Variants in CELF2 observed in about 807,000 individuals in gnomAD.
The protein encoded by CELF2 is CUG triplet repeat RNA-binding protein 2.
Under a neutral mutation model 62.6 loss-of-function variants are expected in CELF2, and 8 were observed. That is an observed-to-expected ratio of 0.13 (90% CI 0.07 to 0.23). The LOEUF (loss-of-function observed/expected upper bound fraction) is 0.23, where lower values mean the gene tolerates loss of function less well. CELF2 is among the 10% of genes least tolerant of loss of function. CELF2 has a pLI of 1.00. For missense variants in CELF2, 333 were observed against 671.0 expected (o/e 0.50, Z 5.56); for synonymous variants, 258 against 250.0 (o/e 1.03, Z -0.30).
chr10:11,316,865 C>T lies in CELF2; in HGVS notation c.1096+2607C>T, dbSNP rs1189875509. Reference sequence around the variant, plus strand: ...TTGATATCCTTTTTATTCCCTGATACATTAATGAGTCAAAGGGCTAAAAAA... The same window carrying T: ...TTGATATCCTTTTTATTCCCTGATATATTAATGAGTCAAAGGGCTAAAAAA... On this transcript the variant is annotated intron_variant, in intron 10 of 12. Transcript: ENST00000633077. This position sits in a 1 kb window ranked among gnomAD's most constrained non-coding sequence, Gnocchi z 4.4. 7 of 152,168 alleles carry T rather than the reference C, an allele frequency of 4.6e-5. No individual in the cohort carries two copies. Among genetic ancestry groups the T allele is most frequent in the African/African-American group, 1.7e-4 (7 of 41,432 alleles). The allele number at this position is 152,168 out of a possible 1,614,324, so 9.4% of individuals were successfully genotyped here.
At chr10:10,835,896 A>G (rs1429547738) in intron 1 of CELF2, among the ~76,000 whole-genome samples, 1 of 152,184 alleles carries the variant, frequency 6.6e-6, no homozygotes, top group Non-Finnish European at 1.5e-5. Context: ...GGCAGAATCG[A>G]GGCTGACTTT....
At chr10:10,866,099 CCT>C in intron 1 of CELF2, among the ~76,000 whole-genome samples, 1 of 152,240 alleles carries the variant, frequency 6.6e-6, no homozygotes, top group Middle Eastern at 3.4e-3. Flanking sequence ...GTCTTCCATT[CCT>C]CTTTCCCACA....
chr10:11,209,898 T>C (rs984152495), intron 2 of CELF2, among the ~76,000 whole-genome samples: 2 of 152,214 alleles, frequency 1.3e-5, no homozygotes, highest in African/African-American at 2.4e-5. Flanking sequence ...TAAACTGGCT[T>C]GCATGCTACT....
At chr10:11,276,650 A>T (rs1565709803) in intron 8 of CELF2, among the ~76,000 whole-genome samples, 1 of 152,212 alleles carries the variant, frequency 6.6e-6, no homozygotes, top group Non-Finnish European at 1.5e-5. Context: ...ACTCACCAGG[A>T]TCTGAAATTA....
chr10:10,609,649 C>A, the CELF2 span, among the ~76,000 whole-genome samples: 9 of 152,192 alleles, frequency 5.9e-5, no homozygotes, highest in Non-Finnish European at 1.0e-4. Flanking sequence ...TCAATAGATT[C>A]TTCTTACAGA....
chr10:10,821,656 T>A (rs751146512), intron 1 of CELF2, among the ~76,000 whole-genome samples: 19 of 152,200 alleles, frequency 1.2e-4, no homozygotes, highest in Middle Eastern at 3.4e-3. Flanking sequence ...TGGTTTTTTG[T>A]TTTTTTAAGG....
chr10:10,844,041 C>T (rs914693932), intron 1 of CELF2, among the ~76,000 whole-genome samples: 4 of 151,898 alleles, frequency 2.6e-5, no homozygotes, highest in South Asian at 2.1e-4. Context: ...TGTCCTACCT[C>T]GGGTGCTTCT....
intron 1 of CELF2, among the ~76,000 whole-genome samples, chr10:11,121,694 T>C (rs2057774071): frequency 6.6e-6 from 1 of 150,886 alleles, no homozygotes; most frequent in African/African-American, 2.5e-5. Flanking sequence ...AAGAGGCTAG[T>C]ATTTTTTTTG....
At chr10:11,228,717 G>A (rs1223533954) in intron 3 of CELF2, among the ~76,000 whole-genome samples, 13 of 49,708 alleles carry the variant, frequency 2.6e-4, no homozygotes, top group Non-Finnish European at 2.3e-4. Flanking sequence ...CGCGCCCCTC[G>A]CAAAAAAAAA....
chr10:11,169,384 A>AG (rs1295584902), intron 2 of CELF2: 1 of 152,242 alleles, frequency 6.6e-6, no homozygotes, highest in African/African-American at 2.4e-5. Context: ...GGAGATGAAA[A>AG]AGATGGCATC....
intron 2 of CELF2, among the ~76,000 whole-genome samples, chr10:10,984,174 T>A (rs2052467096): frequency 6.6e-6 from 1 of 152,242 alleles, no homozygotes; most frequent in East Asian, 1.9e-4. Context: ...GGAAATAGGT[T>A]CCGAAAAGAA....
At chr10:11,230,630 C>T (rs1242459924) in intron 3 of CELF2, among the ~76,000 whole-genome samples, 4 of 152,234 alleles carry the variant, frequency 2.6e-5, no homozygotes, top group Non-Finnish European at 4.4e-5. Flanking sequence ...GATGTGAGGA[C>T]ATGCTGGTTT....
intron 1 of CELF2, among the ~76,000 whole-genome samples, chr10:11,082,105 G>A (rs997171195): frequency 3.3e-5 from 5 of 152,110 alleles, no homozygotes; most frequent in African/African-American, 7.2e-5. Context: ...CCAGAGTCCT[G>A]TGGAGGGCAG....
the CELF2 span, among the ~76,000 whole-genome samples, chr10:10,705,705 A>G: frequency 1.2e-3 from 183 of 152,334 alleles, 1 homozygote; most frequent in African/African-American, 4.3e-3. Flanking sequence ...AATGGAGTCC[A>G]GATTCTTTAT....
At chr10:10,643,163 G>A in the CELF2 span, among the ~76,000 whole-genome samples, 1 of 152,206 alleles carries the variant, frequency 6.6e-6, no homozygotes, top group South Asian at 2.1e-4. Flanking sequence ...GTGAACCCTT[G>A]GCAGGGTCAG....
At chr10:10,765,610 A>G in the CELF2 span, among the ~76,000 whole-genome samples, 1 of 152,184 alleles carries the variant, frequency 6.6e-6, no homozygotes, top group Admixed American at 6.6e-5. Context: ...AGTGGTGGCC[A>G]GCCTTAGTCT....
the CELF2 span, among the ~76,000 whole-genome samples, chr10:10,604,338 G>T: frequency 6.6e-6 from 1 of 152,202 alleles, no homozygotes; most frequent in Non-Finnish European, 1.5e-5. Context: ...TAGTCAAAAA[G>T]AAGTTTGATA....
chr10:11,204,139 G>A (rs1305680928), intron 2 of CELF2, among the ~76,000 whole-genome samples: 1 of 152,160 alleles, frequency 6.6e-6, no homozygotes, highest in African/African-American at 2.4e-5. Context: ...GATCACCCTG[G>A]ATATCAAGAA....
chr10:11,123,963 A>C (rs534913763), intron 1 of CELF2, among the ~76,000 whole-genome samples: 13 of 152,210 alleles, frequency 8.5e-5, no homozygotes, highest in Non-Finnish European at 1.8e-4. Context: ...TCACAGTTCC[A>C]CATGGCTGGG....
Sources: gnomAD v4.1 joint callset for allele counts (sites outside exome capture counted in the v4.1 genomes callset) on GRCh38, gnomAD v4.1.1 for gene constraint, Gnocchi (gnomAD v3.1) non-coding constraint, MANE v1.5 for transcripts, NCBI Gene and HGNC (gene_info 2026-07-23, HGNC 2026-07-21) for gene names.